Variants in SEZ6L observed in about 807,000 individuals in gnomAD.
SEZ6L encodes the protein seizure 6-like protein.
In SEZ6L, 37 loss-of-function variants were observed where a neutral mutation model predicts 106.2. The observed-to-expected ratio is 0.35, with a 90% CI of 0.27 to 0.46. SEZ6L has a LOEUF of 0.46. Ranked by LOEUF, SEZ6L falls within the 20% of genes least tolerant of loss-of-function variation. SEZ6L has a pLI of 1.00. For synonymous variants in SEZ6L, 541 were observed against 570.4 expected (o/e 0.95, Z 0.73); for missense variants, 1,172 against 1,332.8 (o/e 0.88, Z 1.88).
intron 1 of SEZ6L, among the ~76,000 whole-genome samples, chr22:26,230,863 A>G (rs1011007928): frequency 1.6e-4 from 24 of 152,206 alleles, no homozygotes; most frequent in African/African-American, 5.8e-4. Context: ...GAGCAGCTGA[A>G]GTATAGTGAG....
chr22:26,350,760 C>T (rs1370551954), intron 11 of SEZ6L, among the ~76,000 whole-genome samples: 1 of 151,724 alleles, frequency 6.6e-6, no homozygotes, highest in African/African-American at 2.4e-5. Context: ...GGGTTCACGC[C>T]ATTCTCCTGC....
intron 1 of SEZ6L, among the ~76,000 whole-genome samples, chr22:26,291,785 G>A (rs1454140064): frequency 4.6e-5 from 7 of 152,106 alleles, no homozygotes; most frequent in East Asian, 1.9e-4. Flanking sequence ...GTTAGGGCCC[G>A]TCCTCTCTGC....
intron 9 of SEZ6L, among the ~76,000 whole-genome samples, chr22:26,333,957 G>T (rs1280695238): frequency 6.6e-6 from 1 of 150,800 alleles, no homozygotes. Context: ...GAGCAATGCA[G>T]TCTGGTTGGA....
At chr22:26,304,769 T>TC (rs984101426) in intron 5 of SEZ6L, among the ~76,000 whole-genome samples, 18 of 152,230 alleles carry the variant, frequency 1.2e-4, no homozygotes, top group African/African-American at 4.3e-4. Flanking sequence ...GCTTTTTTTT[T>TC]CACTTAAAAA....
At chr22:26,192,337 G>A (rs1414008971) in intron 1 of SEZ6L, among the ~76,000 whole-genome samples, 2 of 152,146 alleles carry the variant, frequency 1.3e-5, no homozygotes, top group South Asian at 2.1e-4. Context: ...TCACACTCAC[G>A]TCATAGCATA....
At chr22:26,285,432 G>C (rs996862988) in intron 1 of SEZ6L, among the ~76,000 whole-genome samples, 1 of 152,104 alleles carries the variant, frequency 6.6e-6, no homozygotes, top group Non-Finnish European at 1.5e-5. Context: ...GAATTGGGAA[G>C]GAAGTCTTTC....
chr22:26,259,709 T>C (rs796509406), intron 1 of SEZ6L, among the ~76,000 whole-genome samples: 15 of 152,310 alleles, frequency 9.8e-5, no homozygotes, highest in Non-Finnish European at 1.5e-4. Context: ...GAGGCACCCA[T>C]GCGGGGTGCT....
intron 1 of SEZ6L, chr22:26,253,830 T>C (rs985867064): frequency 6.6e-6 from 1 of 152,194 alleles, no homozygotes; most frequent in Non-Finnish European, 1.5e-5. Context: ...GAAAAAGTCA[T>C]CTTAAAAGGC....
At chr22:26,210,105 T>C (rs1032029155) in intron 1 of SEZ6L, among the ~76,000 whole-genome samples, 1 of 151,930 alleles carries the variant, frequency 6.6e-6, no homozygotes, top group African/African-American at 2.4e-5. Context: ...AGGTGAGGAA[T>C]TGGGAGGATG....
intron 1 of SEZ6L, among the ~76,000 whole-genome samples, chr22:26,230,660 A>G (rs983384194): frequency 1.3e-5 from 2 of 152,216 alleles, no homozygotes; most frequent in Non-Finnish European, 2.9e-5. Context: ...ACCACTGGCC[A>G]GAGTGGCCAG....
At chr22:26,307,310 AC>A (rs2081661544) in intron 6 of SEZ6L, among the ~76,000 whole-genome samples, 2 of 152,134 alleles carry the variant, frequency 1.3e-5, no homozygotes, top group African/African-American at 2.4e-5. Flanking sequence ...GGAGCAGTTG[AC>A]TGCTGAGGGG....
intron 1 of SEZ6L, among the ~76,000 whole-genome samples, chr22:26,291,457 AG>A (rs137202): frequency 0.61 from 93,258 of 151,760 alleles, 30,779 homozygotes; most frequent in African/African-American, 0.82. Context: ...GAGTTGGGGG[AG>A]GGGAGAGCAT....
At chr22:26,226,381 C>T (rs553786789) in intron 1 of SEZ6L, among the ~76,000 whole-genome samples, 1 of 152,240 alleles carries the variant, frequency 6.6e-6, no homozygotes, top group Non-Finnish European at 1.5e-5. Flanking sequence ...TTCCCTCCAA[C>T]TTTCACCAAG....
At chr22:26,265,508 A>C (rs1256073354) in intron 1 of SEZ6L, among the ~76,000 whole-genome samples, 2 of 152,212 alleles carry the variant, frequency 1.3e-5, no homozygotes, top group Non-Finnish European at 2.9e-5. Context: ...ATATTCCCCA[A>C]AAAGAGAAGA....
At chr22:26,368,482 G>A (rs1330005100) in intron 13 of SEZ6L, among the ~76,000 whole-genome samples, 3 of 152,210 alleles carry the variant, frequency 2.0e-5, no homozygotes, top group Admixed American at 2.0e-4. Context: ...TATGCTGAGT[G>A]AAGGAAGCCA....
chr22:26,258,002 C>T (rs1313079922), intron 1 of SEZ6L, among the ~76,000 whole-genome samples: 1 of 152,154 alleles, frequency 6.6e-6, no homozygotes, highest in Non-Finnish European at 1.5e-5. Context: ...TTGCTCCTGC[C>T]AGCCAGCTGC....
chr22:26,361,147 G>C (rs1015843234), intron 12 of SEZ6L, among the ~76,000 whole-genome samples: 23 of 151,986 alleles, frequency 1.5e-4, no homozygotes, highest in Non-Finnish European at 2.8e-4. Context: ...TTTAGAGTGA[G>C]GCTAAATTAT....
intron 5 of SEZ6L, among the ~76,000 whole-genome samples, chr22:26,305,618 C>T (rs560633791): frequency 4.8e-4 from 73 of 152,280 alleles, no homozygotes; most frequent in African/African-American, 1.7e-3. Context: ...TGTTTATATC[C>T]TTCTTGATTG....
At chr22:26,359,609 G>A (rs1039845362) in intron 12 of SEZ6L, among the ~76,000 whole-genome samples, 1 of 152,004 alleles carries the variant, frequency 6.6e-6, no homozygotes, top group Admixed American at 6.6e-5. Context: ...ACCAGCCTGG[G>A]TAACCTCAGG....
Sources: allele counts gnomAD v4.1 joint callset (sites outside exome capture counted in the v4.1 genomes callset), GRCh38; gene constraint gnomAD v4.1.1; transcripts MANE v1.5; gene names NCBI Gene and HGNC (gene_info 2026-07-23, HGNC 2026-07-21).